The following CHLSN variants were observed in gnomAD, a reference collection of about 807,000 sequenced individuals.
The protein encoded by CHLSN is cholesin, also known as protein cholesin.
chr7:1,010,910 G>A, the CHLSN span, among the ~76,000 whole-genome samples: 1 of 151,284 alleles, frequency 6.6e-6, no homozygotes, highest in Non-Finnish European at 1.5e-5. Flanking sequence ...CAGGAGCCCA[G>A]GGAAACAGCT....
At chr7:1,094,375 G>C in the CHLSN span, among the ~76,000 whole-genome samples, 2 of 152,230 alleles carry the variant, frequency 1.3e-5, no homozygotes, top group African/African-American at 4.8e-5. Context: ...CTAGCCACCT[G>C]TACTACCCCC....
chr7:1,045,360 G>A, the CHLSN span: 2 of 152,414 alleles, frequency 1.3e-5, no homozygotes, highest in East Asian at 1.9e-4. Context: ...CCCTGCCCAT[G>A]AAGATGTACT....
At chr7:983,259 G>A in the CHLSN span, 3 of 1,538,952 alleles carry the variant, frequency 1.9e-6, no homozygotes, top group Non-Finnish European at 2.6e-6. Context: ...GGCTCTGGGG[G>A]CTGCTCTGCG....
chr7:1,091,494 C>A, the CHLSN span: 1 of 514,992 alleles, frequency 1.9e-6, no homozygotes. Context: ...CGCGGAGGGC[C>A]CTCGCCTCCA....
chr7:1,008,190 C>T, the CHLSN span, among the ~76,000 whole-genome samples: 1 of 152,208 alleles, frequency 6.6e-6, no homozygotes, highest in Non-Finnish European at 1.5e-5. Flanking sequence ...GCCTACAGTC[C>T]ATTCCTGCGG....
At chr7:1,019,183 G>C in the CHLSN span, among the ~76,000 whole-genome samples, 2 of 108,338 alleles carry the variant, frequency 1.8e-5, no homozygotes, top group East Asian at 6.3e-4. Context: ...AATAGAGTGA[G>C]ACTCTGTCTC....
chr7:1,103,315 G>T, the CHLSN span, among the ~76,000 whole-genome samples: 1 of 152,174 alleles, frequency 6.6e-6, no homozygotes, highest in Non-Finnish European at 1.5e-5. Context: ...GCGTCAAAGT[G>T]GAAGTGGCTA....
At chr7:1,040,077 T>C in the CHLSN span, among the ~76,000 whole-genome samples, 8 of 135,788 alleles carry the variant, frequency 5.9e-5, no homozygotes, top group African/African-American at 2.1e-4. Flanking sequence ...CCAGAGACCT[T>C]TGTTCACTTG....
At chr7:1,029,018 C>G in the CHLSN span, 1 of 157,484 alleles carries the variant, frequency 6.3e-6, no homozygotes, top group South Asian at 2.0e-4. Context: ...TACCGGCTGG[C>G]TGAATACGTG....
chr7:988,131 G>T, the CHLSN span: 1 of 975,792 alleles, frequency 1.0e-6, no homozygotes, highest in East Asian at 2.6e-5. Flanking sequence ...TGGCCTCCCT[G>T]GGTTTGGGTG....
At chr7:998,737 C>G in the CHLSN span, among the ~76,000 whole-genome samples, 1 of 152,200 alleles carries the variant, frequency 6.6e-6, no homozygotes, top group African/African-American at 2.4e-5. Flanking sequence ...TGAGCCACCA[C>G]GCCCGGCTAC....
the CHLSN span, among the ~76,000 whole-genome samples, chr7:1,102,289 C>A: frequency 0.22 from 34,092 of 152,272 alleles, 4,022 homozygotes; most frequent in Middle Eastern, 0.36. Flanking sequence ...CTGGGCCCAG[C>A]GGCAGTGGCA....
the CHLSN span, chr7:1,021,257 T>C: frequency 2.1e-6 from 1 of 472,484 alleles, no homozygotes; most frequent in East Asian, 1.5e-4. Flanking sequence ...AGGCTGAGGA[T>C]CTCCCAGCAG....
chr7:1,040,827 A>C, the CHLSN span, among the ~76,000 whole-genome samples: 330 of 152,368 alleles, frequency 2.2e-3, no homozygotes, highest in African/African-American at 7.4e-3. Flanking sequence ...ACACATACAC[A>C]AAAGCCTAGC....
the CHLSN span, among the ~76,000 whole-genome samples, chr7:1,050,194 C>G: frequency 1.3e-5 from 2 of 152,270 alleles, no homozygotes; most frequent in Non-Finnish European, 1.5e-5. Context: ...CTTTCCCAGC[C>G]TGCCTGTGCA....
the CHLSN span, among the ~76,000 whole-genome samples, chr7:1,037,041 G>C: frequency 1.4e-5 from 2 of 146,384 alleles, 1 homozygote. Context: ...AGCCTGGGAG[G>C]CGGAGGCTGC....
chr7:1,050,880 C>T, the CHLSN span, among the ~76,000 whole-genome samples: 28 of 152,318 alleles, frequency 1.8e-4, no homozygotes, highest in African/African-American at 2.4e-4. Flanking sequence ...CAGGGGGTCT[C>T]GGAGAAACTC....
the CHLSN span, among the ~76,000 whole-genome samples, chr7:1,101,264 G>T: frequency 6.6e-6 from 1 of 152,240 alleles, no homozygotes; most frequent in Non-Finnish European, 1.5e-5. Context: ...TGGGAACAAG[G>T]GTTAAAAAGC....
chr7:1,073,126 C>A, the CHLSN span, among the ~76,000 whole-genome samples: 1 of 152,166 alleles, frequency 6.6e-6, no homozygotes, highest in South Asian at 2.1e-4. Flanking sequence ...CCGACCAAAA[C>A]CAGGTCCTGA....
Sources: gnomAD v4.1 joint callset for allele counts (sites outside exome capture counted in the v4.1 genomes callset) on GRCh38, gnomAD v4.1.1 for gene constraint, MANE v1.5 for transcripts, NCBI Gene and HGNC (gene_info 2026-07-23, HGNC 2026-07-21) for gene names.